DRC11: variants seen among roughly 807,000 people sequenced by gnomAD.
DRC11 encodes IQ and AAA domain-containing protein 1.
At chr2:236,359,794 G>A in the DRC11 span, among the ~76,000 whole-genome samples, 15 of 152,166 alleles carry the variant, frequency 9.9e-5, no homozygotes, top group South Asian at 2.1e-4. This position sits in a 1 kb window ranked among gnomAD's most constrained non-coding sequence, Gnocchi z 4.3. Flanking sequence ...TGGCCTCACC[G>A]CACACAATTT....
At chr2:236,477,863 C>T in the DRC11 span, among the ~76,000 whole-genome samples, 150 of 152,142 alleles carry the variant, frequency 9.9e-4, no homozygotes, top group African/African-American at 3.4e-3. Flanking sequence ...CTATATATTT[C>T]TGTGGTATCG....
chr2:236,479,732 C>T, the DRC11 span, among the ~76,000 whole-genome samples: 4 of 152,110 alleles, frequency 2.6e-5, no homozygotes, highest in African/African-American at 9.7e-5. The surrounding 1 kb of genome is among the most constrained non-coding windows in gnomAD (Gnocchi z 4.1). Flanking sequence ...TTTTGATAGT[C>T]TTTTAGTCTT....
At chr2:236,343,386 A>T in the DRC11 span, among the ~76,000 whole-genome samples, 24,123 of 152,146 alleles carry the variant, frequency 0.16, 1,960 homozygotes, top group Admixed American at 0.19. This position sits in a 1 kb window ranked among gnomAD's most constrained non-coding sequence, Gnocchi z 6.6. Context: ...GGCTGCATGA[A>T]CTCAGAGGCC....
At chr2:236,345,880 A>G in the DRC11 span, among the ~76,000 whole-genome samples, 1 of 152,242 alleles carries the variant, frequency 6.6e-6, no homozygotes, top group Admixed American at 6.5e-5. Flanking sequence ...CAAGACAGTC[A>G]TTCAGTGAGT....
the DRC11 span, chr2:236,338,525 T>C: frequency 1.3e-6 from 1 of 755,094 alleles, no homozygotes; most frequent in Non-Finnish European, 2.1e-6. Flanking sequence ...AGGTTTGTCC[T>C]GGGATGGGTC....
chr2:236,445,614 A>G, the DRC11 span, among the ~76,000 whole-genome samples: 2 of 151,972 alleles, frequency 1.3e-5, no homozygotes, highest in Non-Finnish European at 2.9e-5. The surrounding 1 kb of genome is among the most constrained non-coding windows in gnomAD (Gnocchi z 4.8). Context: ...TGCTCGGATT[A>G]TGGGTGTGAG....
At chr2:236,338,160 C>A in the DRC11 span, 5 of 1,580,744 alleles carry the variant, frequency 3.2e-6, no homozygotes, top group East Asian at 6.8e-5. Context: ...CAGTGGACAG[C>A]CCAGCCTCAG....
the DRC11 span, among the ~76,000 whole-genome samples, chr2:236,437,097 C>G: frequency 1.9e-4 from 23 of 122,100 alleles, 1 homozygote; most frequent in Non-Finnish European, 3.3e-4. Context: ...CCCCCTCCCC[C>G]CACCCCACAA....
the DRC11 span, chr2:236,497,019 A>G: frequency 6.0e-6 from 4 of 661,622 alleles, no homozygotes; most frequent in African/African-American, 5.4e-5. The surrounding 1 kb of genome is among the most constrained non-coding windows in gnomAD (Gnocchi z 5.1). Flanking sequence ...AGCATGGTGT[A>G]ATTGAAGGCA....
chr2:236,416,768 T>TATATATATATATAA, the DRC11 span, among the ~76,000 whole-genome samples: 79 of 92,932 alleles, frequency 8.5e-4, 1 homozygote, highest in Non-Finnish European at 1.5e-3. Flanking sequence ...TATATATATA[T>TATATATATATATAA]AAATAATTTT....
At chr2:236,380,066 T>C in the DRC11 span, among the ~76,000 whole-genome samples, 5 of 152,272 alleles carry the variant, frequency 3.3e-5, no homozygotes, top group Admixed American at 6.5e-5. The surrounding 1 kb of genome is among the most constrained non-coding windows in gnomAD (Gnocchi z 4.9). Flanking sequence ...TAAAGTACTT[T>C]CAGGCCACTT....
At chr2:236,443,077 C>T in the DRC11 span, among the ~76,000 whole-genome samples, 3 of 152,148 alleles carry the variant, frequency 2.0e-5, no homozygotes, top group Admixed American at 2.0e-4. This position sits in a 1 kb window ranked among gnomAD's most constrained non-coding sequence, Gnocchi z 4.4. Flanking sequence ...GATTTTGTCA[C>T]ATAGAACGTT....
chr2:236,472,161 T>C, the DRC11 span, among the ~76,000 whole-genome samples: 2 of 152,180 alleles, frequency 1.3e-5, no homozygotes, highest in African/African-American at 4.8e-5. The surrounding 1 kb of genome is among the most constrained non-coding windows in gnomAD (Gnocchi z 4.6). Context: ...CACAGATGCT[T>C]CCAGGCGTCC....
the DRC11 span, among the ~76,000 whole-genome samples, chr2:236,359,687 C>T: frequency 6.6e-6 from 1 of 152,142 alleles, no homozygotes; most frequent in Non-Finnish European, 1.5e-5. The surrounding 1 kb of genome is among the most constrained non-coding windows in gnomAD (Gnocchi z 4.3). Context: ...GTCAACGTAC[C>T]AGCACAAGCA....
the DRC11 span, among the ~76,000 whole-genome samples, chr2:236,399,925 C>A: frequency 6.6e-6 from 1 of 152,100 alleles, no homozygotes; most frequent in African/African-American, 2.4e-5. This position sits in a 1 kb window ranked among gnomAD's most constrained non-coding sequence, Gnocchi z 7.0. Context: ...CCATGTTGCC[C>A]AGGCTGGTCT....
At chr2:236,495,648 T>G in the DRC11 span, among the ~76,000 whole-genome samples, 2 of 152,162 alleles carry the variant, frequency 1.3e-5, no homozygotes, top group East Asian at 3.8e-4. This position sits in a 1 kb window ranked among gnomAD's most constrained non-coding sequence, Gnocchi z 5.6. Flanking sequence ...TTTGGGGAAC[T>G]CATGGAACCA....
the DRC11 span, among the ~76,000 whole-genome samples, chr2:236,373,258 C>CTTT: frequency 2.2e-5 from 3 of 139,046 alleles, no homozygotes; most frequent in Non-Finnish European, 3.1e-5. Context: ...TGTATATTAA[C>CTTT]TTTTTTTTTT....
At chr2:236,493,582 T>C in the DRC11 span, among the ~76,000 whole-genome samples, 1 of 152,146 alleles carries the variant, frequency 6.6e-6, no homozygotes, top group South Asian at 2.1e-4. Context: ...TCTTGAAAAA[T>C]AATGATTATA....
the DRC11 span, chr2:236,392,019 C>T: frequency 6.2e-6 from 10 of 1,614,042 alleles, no homozygotes; most frequent in Admixed American, 6.7e-5. This position sits in a 1 kb window ranked among gnomAD's most constrained non-coding sequence, Gnocchi z 5.1. Flanking sequence ...CTCCCTTTCT[C>T]TGTCCACAGC....
Sources: gnomAD v4.1 joint callset for allele counts (sites outside exome capture counted in the v4.1 genomes callset) on GRCh38, gnomAD v4.1.1 for gene constraint, Gnocchi (gnomAD v3.1) non-coding constraint, MANE v1.5 for transcripts, NCBI Gene and HGNC (gene_info 2026-07-23, HGNC 2026-07-21) for gene names.